The following CNTNAP2 variants were observed in gnomAD, a reference collection of about 807,000 sequenced individuals.
The protein encoded by CNTNAP2 is contactin-associated protein-like 2.
CNTNAP2 carries 98 observed loss-of-function variants against 155.2 expected under a neutral mutation model. That is an observed-to-expected ratio of 0.63 (90% CI 0.54 to 0.75). The LOEUF (loss-of-function observed/expected upper bound fraction) is 0.75, where lower values mean the gene tolerates loss of function less well. Among genes scored for constraint, CNTNAP2 ranks in the 30% least tolerant of loss-of-function variants. The probability of loss-of-function intolerance (pLI) is 0.00; values close to 1 mark genes in which losing one functional copy is unlikely to be tolerated. For synonymous variants in CNTNAP2, 651 were observed against 631.2 expected (o/e 1.03, Z -0.47); for missense variants, 1,727 against 1,688.1 (o/e 1.02, Z -0.40).
At chr7:146,708,705 C>G (rs1801009961) in intron 1 of CNTNAP2, among the ~76,000 whole-genome samples, 1 of 132,718 alleles carries the variant, frequency 7.5e-6, no homozygotes, top group South Asian at 2.5e-4. Flanking sequence ...CAAGTATTCT[C>G]CTGCCCCAGC....
At chr7:147,022,951 G>T (rs980934019) in intron 3 of CNTNAP2, among the ~76,000 whole-genome samples, 2 of 151,990 alleles carry the variant, frequency 1.3e-5, no homozygotes, top group Non-Finnish European at 2.9e-5. Flanking sequence ...TTTAATAGAG[G>T]TCATGGTTTG....
intron 15 of CNTNAP2, among the ~76,000 whole-genome samples, chr7:148,108,774 G>T (rs1474073755): frequency 1.3e-5 from 2 of 152,112 alleles, no homozygotes; most frequent in African/African-American, 4.8e-5. Context: ...TGCACAGCTT[G>T]GTGAATGTAG....
chr7:146,209,739 TAATC>T (rs1799004890), intron 1 of CNTNAP2, among the ~76,000 whole-genome samples: 1 of 152,204 alleles, frequency 6.6e-6, no homozygotes, highest in Non-Finnish European at 1.5e-5. Flanking sequence ...TATAATTATG[TAATC>T]AATCAATTAA....
chr7:146,519,477 T>C (rs1288747942), intron 1 of CNTNAP2, among the ~76,000 whole-genome samples: 1 of 151,892 alleles, frequency 6.6e-6, no homozygotes, highest in Non-Finnish European at 1.5e-5. Context: ...GGTCTAAAAG[T>C]AAAACCATAA....
chr7:147,521,872 C>T (rs992793480), intron 11 of CNTNAP2, among the ~76,000 whole-genome samples: 1 of 152,178 alleles, frequency 6.6e-6, no homozygotes, highest in Admixed American at 6.5e-5. Context: ...GGTTATATCC[C>T]TCATGCAGAA....
rs575140896 is a variant in CNTNAP2, at chr7:146,897,315, A to G, written c.402+57411A>G. 2.5e-4 allele frequency among the ~76,000 whole-genome samples: 38 copies of G among 152,282 alleles called. No homozygotes were observed. The South Asian group carries it at 6.6e-3, about 27-fold the overall frequency. ...ATCAGAAGGCAGTTGAAGTGCAACA[A>G]TAAGGTAGGCCATGTTTGAACTTGG... On this transcript the variant is annotated intron_variant, in intron 3 of 23. Transcript: ENST00000361727.
chr7:147,789,836 G>C (rs772403274), intron 13 of CNTNAP2, among the ~76,000 whole-genome samples: 6 of 152,170 alleles, frequency 3.9e-5, no homozygotes, highest in South Asian at 2.1e-4. Flanking sequence ...TTGCACTCTT[G>C]GACTTACATC....
intron 1 of CNTNAP2, among the ~76,000 whole-genome samples, chr7:146,474,804 G>A (rs960423950): frequency 9.9e-5 from 15 of 152,134 alleles, no homozygotes; most frequent in Admixed American, 3.9e-4. Flanking sequence ...AAAGATGTTG[G>A]CATTTATATC....
At chr7:146,584,356 G>A (rs755273681) in intron 1 of CNTNAP2, among the ~76,000 whole-genome samples, 10 of 152,236 alleles carry the variant, frequency 6.6e-5, no homozygotes, top group South Asian at 4.1e-4. Context: ...AGTGCCTAGC[G>A]CATAGGAAAA....
At chr7:147,948,783 A>G (rs2094324596) in intron 14 of CNTNAP2, among the ~76,000 whole-genome samples, 1 of 151,958 alleles carries the variant, frequency 6.6e-6, no homozygotes, top group South Asian at 2.1e-4. Context: ...TTTAACCACT[A>G]ATAGCCTACC....
At chr7:147,693,730 T>A (rs1796122139) in intron 13 of CNTNAP2, among the ~76,000 whole-genome samples, 1 of 152,060 alleles carries the variant, frequency 6.6e-6, no homozygotes. Context: ...ATAGTTTTTT[T>A]GTTGTTGTTG....
chr7:147,414,960 A>G (rs1210641273), intron 10 of CNTNAP2, among the ~76,000 whole-genome samples: 23 of 150,476 alleles, frequency 1.5e-4, no homozygotes, highest in African/African-American at 2.2e-4. Context: ...AAAAAAAAAA[A>G]AAAGAAAAGA....
chr7:146,303,754 G>T (rs1800656799), intron 1 of CNTNAP2, among the ~76,000 whole-genome samples: 1 of 152,140 alleles, frequency 6.6e-6, no homozygotes, highest in Admixed American at 6.6e-5. Context: ...TTGATTTGGG[G>T]TGAAGAGTTC....
intron 10 of CNTNAP2, among the ~76,000 whole-genome samples, chr7:147,473,001 C>T (rs1488614779): frequency 3.3e-5 from 5 of 152,108 alleles, no homozygotes; most frequent in Non-Finnish European, 7.4e-5. Context: ...CCTAAGGATG[C>T]CAGAACTCAG....
At chr7:147,981,817 G>GTGTGTGT (rs758963411) in intron 15 of CNTNAP2, among the ~76,000 whole-genome samples, 2 of 138,922 alleles carry the variant, frequency 1.4e-5, no homozygotes, top group African/African-American at 5.2e-5. Context: ...GTGTGTGTGT[G>GTGTGTGT]GTTTTTTTTT....
chr7:147,750,275 A>G (rs189302956), intron 13 of CNTNAP2, among the ~76,000 whole-genome samples: 5 of 152,346 alleles, frequency 3.3e-5, no homozygotes, highest in African/African-American at 9.6e-5. Flanking sequence ...AAAAATGTTG[A>G]TGTGAACAAG....
intron 3 of CNTNAP2, among the ~76,000 whole-genome samples, chr7:146,958,388 T>C (rs551450569): frequency 1.1e-4 from 16 of 151,378 alleles, no homozygotes; most frequent in African/African-American, 3.6e-4. Flanking sequence ...CTTTTTTTTC[T>C]TCACAACACA....
At position 148,366,048 on chromosome 7, in the gene CNTNAP2, ATGTG is replaced by A. The variant is rs1219197623; in HGVS notation, c.3476-17595_3476-17592del. 2.6e-3 allele frequency among the ~76,000 whole-genome samples: 6 copies of A among 2,276 alleles called. 3 individuals are homozygous for A. Among genetic ancestry groups the A allele is most frequent in the African/African-American group, 3.3e-3 (6 of 1,806 alleles). The allele number at this position is 2,276 out of a possible 152,430, so 1.5% of individuals were successfully genotyped here. A position where few individuals can be genotyped will look rare whatever the true frequency, so the allele number is the denominator to read the frequency against. ...TGCATGTGTGTGTATGCATGTATGC[ATGTG>A]TGTGTATGCATGTATGCATGTATGT... On this transcript the variant is annotated intron_variant, in intron 21 of 23. Coordinates refer to ENST00000361727, the MANE Select transcript of CNTNAP2 (RefSeq NM_014141.6).
chr7:146,687,953 T>C (rs1800631239), intron 1 of CNTNAP2, among the ~76,000 whole-genome samples: 1 of 152,174 alleles, frequency 6.6e-6, no homozygotes, highest in African/African-American at 2.4e-5. Flanking sequence ...ACACAGACTT[T>C]TCCCAAGATA....
Sources: gnomAD v4.1 joint callset for allele counts (sites outside exome capture counted in the v4.1 genomes callset) on GRCh38, gnomAD v4.1.1 for gene constraint, MANE v1.5 for transcripts, NCBI Gene and HGNC (gene_info 2026-07-23, HGNC 2026-07-21) for gene names.